The following DRAM1 variants were observed in gnomAD, a reference collection of about 807,000 sequenced individuals.
The protein encoded by DRAM1 is DNA damage regulated autophagy modulator 1, also known as DNA damage-regulated autophagy modulator protein 1.
Under a neutral mutation model 28.5 loss-of-function variants are expected in DRAM1, and 25 were observed. The observed-to-expected ratio is 0.88, with a 90% CI of 0.64 to 1.23. DRAM1 has a LOEUF of 1.23. Ranked by LOEUF, DRAM1 falls within the 50% of genes most tolerant of loss-of-function variation. The pLI is 0.00. For missense variants in DRAM1, 249 were observed against 299.2 expected (o/e 0.83, Z 1.24); for synonymous variants, 113 against 114.2 (o/e 0.99, Z 0.07).
intron 3 of DRAM1, among the ~76,000 whole-genome samples, chr12:101,906,619 T>A (rs1196475124): frequency 4.6e-5 from 7 of 152,170 alleles, no homozygotes; most frequent in Admixed American, 2.0e-4. Context: ...TTTGGAAGGC[T>A]GAGGTGGGTG....
In DRAM1 at chr12:101,877,678, C is replaced by G. The variant is rs1872533452; in HGVS notation, c.-112C>G. On this transcript the variant is annotated 5_prime_UTR_variant, in exon 1 of 7. Transcript: ENST00000258534. This position sits in a 1 kb window ranked among gnomAD's most constrained non-coding sequence, Gnocchi z 4.1. ...CTGCCCCGGCCGTCGCGGAGCCTCCCCTCCCACCGTCCGTGAGTGTACGCG... is the reference window on the plus strand; with the variant it reads ...CTGCCCCGGCCGTCGCGGAGCCTCCGCTCCCACCGTCCGTGAGTGTACGCG... The G allele has an allele frequency of 3.6e-5, 28 of 786,822 alleles. No individual in the cohort carries two copies. The highest frequency in any genetic ancestry group is 1.1e-4 in the South Asian group (2 of 18,082). 48.7% of individuals were successfully genotyped at this position (786,822 alleles called of 1,614,324 possible). A position where few individuals can be genotyped will look rare whatever the true frequency, so the allele number is the denominator to read the frequency against.
chr12:101,914,666 G>T (rs1008582784), intron 5 of DRAM1, among the ~76,000 whole-genome samples: 1 of 151,544 alleles, frequency 6.6e-6, no homozygotes, highest in African/African-American at 2.4e-5. Context: ...ATTTTGTTTT[G>T]TTCTTTTCTG....
rs776480486 is a variant in DRAM1 at position 101,908,311 on chromosome 12, A to G, written c.468A>G (p.Thr156=). Residue 156 remains threonine, a synonymous_variant, in exon 4 of 7, where the codon ACA becomes ACG. Transcript: ENST00000258534. ...GTCCCCAGTGGAACAGTCTCTCGAC[A>G]TGCCACATACGGATGGTCATCTCTG... ...KSCPQWNSLS[T]CHIRMVISAV... is the part of the protein sequence containing the mutation. The G allele has an allele frequency of 3.1e-6, 5 of 1,614,136 alleles. No individual in the cohort carries two copies. The African/African-American group carries it at 4.0e-5, about 13-fold the overall frequency.
chr12:101,901,304 G>A lies in DRAM1; in HGVS notation c.213G>A (p.Met71Ile), dbSNP rs1594302388. The A allele has an allele frequency of 6.2e-7, 1 of 1,613,638 alleles. No individual in the cohort carries two copies. The highest frequency in any genetic ancestry group is 1.1e-5 in the South Asian group (1 of 90,926). ...CTTCTTTTTCAGGTGCAGCCACGATGTATACAAGATACAAAATAGTACAGA... is the reference window on the plus strand; with the variant it reads ...CTTCTTTTTCAGGTGCAGCCACGATATATACAAGATACAAAATAGTACAGA... The part of the protein sequence containing the change: ...NFSAFLGAAT[M>I]YTRYKIVQKQ... The change falls in exon 3 of 7, where the codon ATG (methionine) becomes ATA (isoleucine). Residue 71 changes from methionine to isoleucine, a missense_variant. Physicochemically the swap from Met to Ile is conservative, Grantham distance 10. Around this residue, in one of 3 missense-constraint regions of DRAM1, gnomAD observed 218 missense variants for 243.1 expected, o/e 0.90. Transcript: ENST00000258534.
intron 1 of DRAM1, among the ~76,000 whole-genome samples, chr12:101,892,105 G>A (rs1225569348): frequency 6.6e-6 from 1 of 152,234 alleles, no homozygotes; most frequent in East Asian, 1.9e-4. Context: ...ATTTACTTAT[G>A]TATGCTGTCC....
chr12:101,909,203 G>C, intron 4 of DRAM1, among the ~76,000 whole-genome samples: 1 of 150,380 alleles, frequency 6.6e-6, no homozygotes. Context: ...GGAGGTTGCA[G>C]TGAGCCGAGA....
intron 5 of DRAM1, 32 bp downstream of exon 5, chr12:101,914,264 C>G (rs759572688): frequency 1.9e-6 from 3 of 1,572,314 alleles, no homozygotes; most frequent in Admixed American, 1.8e-5. Flanking sequence ...ATGTGGTTGT[C>G]GGACGTGGTT....
intron 1 of DRAM1, among the ~76,000 whole-genome samples, chr12:101,896,554 A>G (rs1201929312): frequency 2.0e-5 from 3 of 152,130 alleles, no homozygotes; most frequent in Non-Finnish European, 2.9e-5. Flanking sequence ...GCTTGAGCTC[A>G]GGACTTCAAA....
intron 1 of DRAM1, among the ~76,000 whole-genome samples, chr12:101,893,571 A>T (rs1442394855): frequency 6.6e-6 from 1 of 152,182 alleles, no homozygotes; most frequent in Non-Finnish European, 1.5e-5. Flanking sequence ...CTGTATTGGG[A>T]TAGGGAATCC....
chr12:101,908,929 C>G (rs1002331869), intron 4 of DRAM1, among the ~76,000 whole-genome samples: 1 of 143,442 alleles, frequency 7.0e-6, no homozygotes, highest in African/African-American at 2.6e-5. Context: ...AGGATAACAA[C>G]CAAGTTTCCA....
rs552198663 is a variant in DRAM1 at position 101,911,754 on chromosome 12, A to G, written c.521-2420A>G. Among the ~76,000 whole-genome samples, 10 of 151,078 alleles carry G rather than the reference A, an allele frequency of 6.6e-5. No homozygotes were observed. In the South Asian group the frequency reaches 2.1e-3, roughly 32 times the overall value. ...GTAAAATATCTCAATAATTTTTTATATTATTACACATTGAAATGATATCAT... is the reference window on the plus strand; with the variant it reads ...GTAAAATATCTCAATAATTTTTTATGTTATTACACATTGAAATGATATCAT... On this transcript the variant is annotated intron_variant, in intron 4 of 6. Coordinates refer to ENST00000258534, the MANE Select transcript of DRAM1 (RefSeq NM_018370.3).
At chr12:101,892,241 T>C (rs1289313445) in intron 1 of DRAM1, among the ~76,000 whole-genome samples, 1 of 150,368 alleles carries the variant, frequency 6.7e-6, no homozygotes, top group Non-Finnish European at 1.5e-5. Flanking sequence ...TTTTATTTTT[T>C]ATTTTTTTTT....
At chr12:101,886,734 A>G (rs1323109965) in intron 1 of DRAM1, among the ~76,000 whole-genome samples, 1 of 152,216 alleles carries the variant, frequency 6.6e-6, no homozygotes, top group East Asian at 1.9e-4. Context: ...AATTGTGTTT[A>G]TTCCCAAATT....
chr12:101,901,220 A>G (rs1383195609), intron 2 of DRAM1, 71 bp from the exon 3 acceptor site: 13 of 1,537,378 alleles, frequency 8.5e-6, no homozygotes, highest in African/African-American at 5.6e-5. Flanking sequence ...AAAGTGATAC[A>G]AAGCTGCTCC....
intron 5 of DRAM1, 74 bp from the exon 6 acceptor site, chr12:101,920,032 ACTC>A: frequency 9.6e-7 from 1 of 1,046,678 alleles, no homozygotes; most frequent in African/African-American, 1.6e-5. Context: ...TTTGGTTGAA[ACTC>A]CTCATTGTAT....
intron 3 of DRAM1, among the ~76,000 whole-genome samples, chr12:101,905,314 A>T (rs1462324447): frequency 6.6e-6 from 1 of 151,850 alleles, no homozygotes; most frequent in Non-Finnish European, 1.5e-5. Context: ...CAGGGTCTTG[A>T]TCTGTTGCTC....
chr12:101,890,408 G>A (rs73376834), intron 1 of DRAM1, among the ~76,000 whole-genome samples: 3,134 of 36,124 alleles, frequency 0.087, 43 homozygotes, highest in African/African-American at 0.28. Flanking sequence ...GTAGCCACTG[G>A]AGTCCATGTG....
intron 5 of DRAM1, among the ~76,000 whole-genome samples, chr12:101,919,771 G>A (rs931320111): frequency 6.6e-6 from 1 of 152,218 alleles, no homozygotes; most frequent in African/African-American, 2.4e-5. Flanking sequence ...ACCAAGTCAT[G>A]CCTTGTATGG....
chr12:101,893,792 G>A (rs1873234889), intron 1 of DRAM1, among the ~76,000 whole-genome samples: 1 of 148,980 alleles, frequency 6.7e-6, no homozygotes, highest in South Asian at 2.1e-4. Flanking sequence ...TTTTTGGCCA[G>A]TACTGATATT....
Sources: allele counts gnomAD v4.1 joint callset (sites outside exome capture counted in the v4.1 genomes callset), GRCh38; gene constraint gnomAD v4.1.1; regional missense constraint gnomAD v4.1.1; non-coding constraint Gnocchi (gnomAD v3.1); transcripts MANE v1.5; gene names NCBI Gene and HGNC (gene_info 2026-07-23, HGNC 2026-07-21).